The following FBXO9 variants were observed in gnomAD, a reference collection of about 807,000 sequenced individuals.
FBXO9 encodes the protein F-box only protein 9.
Under a neutral mutation model 63.7 loss-of-function variants are expected in FBXO9, and 43 were observed. That is an observed-to-expected ratio of 0.67 (90% CI 0.53 to 0.87). The LOEUF is 0.87. Among genes scored for constraint, FBXO9 ranks in the 40% least tolerant of loss-of-function variants. The pLI, the probability that FBXO9 is intolerant of heterozygous loss-of-function variation, is 0.00. For synonymous variants in FBXO9, 156 were observed against 171.7 expected (o/e 0.91, Z 0.72); for missense variants, 442 against 533.2 (o/e 0.83, Z 1.68).
At chr6:53,080,859 C>T in intron 5 of FBXO9, 109 bp from the exon 6 acceptor site, 1 of 1,186,440 alleles carries the variant, frequency 8.4e-7, no homozygotes, top group South Asian at 1.5e-5. Context: ...GTTGAATAAG[C>T]TTTAGGTGAC....
chr6:53,089,037 C>T (rs1167579038), intron 7 of FBXO9, among the ~76,000 whole-genome samples: 1 of 151,458 alleles, frequency 6.6e-6, no homozygotes, highest in Admixed American at 6.6e-5. Context: ...TCTCCTGCCT[C>T]AGCCTCTGTA....
chr6:53,080,197 C>CT (rs914495308), intron 5 of FBXO9, among the ~76,000 whole-genome samples: 6 of 149,374 alleles, frequency 4.0e-5, no homozygotes, highest in Non-Finnish European at 8.9e-5. Flanking sequence ...AAAAGTTTGC[C>CT]TTTTTTTTTC....
intron 12 of FBXO9, 86 bp from the exon 13 acceptor site, chr6:53,097,636 C>A: frequency 2.9e-6 from 2 of 687,416 alleles, no homozygotes; most frequent in South Asian, 1.9e-5. Flanking sequence ...AAGGCTAAAG[C>A]ATAGAATAAC....
chr6:53,092,119 C>T (rs918676457), intron 7 of FBXO9: 22 of 274,298 alleles, frequency 8.0e-5, no homozygotes, highest in African/African-American at 3.8e-4. Flanking sequence ...ATCCCCATCA[C>T]TATGATCACC....
chr6:53,076,943 T>C (rs1024846100), intron 4 of FBXO9, among the ~76,000 whole-genome samples: 2 of 152,140 alleles, frequency 1.3e-5, no homozygotes, highest in Non-Finnish European at 2.9e-5. Flanking sequence ...ATAACCTGTC[T>C]TTTTGCAAAA....
chr6:53,091,141 G>A (rs1403462014), intron 7 of FBXO9: 1 of 152,126 alleles, frequency 6.6e-6, no homozygotes, highest in Non-Finnish European at 1.5e-5. Context: ...CCCAGGGAGG[G>A]GTGAACTAGC....
chr6:53,082,392 A>G, intron 6 of FBXO9, 112 bp from the exon 7 acceptor site: 2 of 634,372 alleles, frequency 3.2e-6, no homozygotes, highest in South Asian at 2.1e-5. Flanking sequence ...GCTCTGAGCA[A>G]TACAGAGGGT....
intron 11 of FBXO9, chr6:53,094,745 G>A (rs1415031045): frequency 2.3e-6 from 1 of 441,934 alleles, no homozygotes; most frequent in South Asian, 1.6e-5. Flanking sequence ...CCTGTTGCTG[G>A]CGTCTCCACT....
chr6:53,092,639 A>G, intron 8 of FBXO9, 92 bp downstream of exon 8: 1 of 1,374,322 alleles, frequency 7.3e-7, no homozygotes, highest in Non-Finnish European at 1.0e-6. Context: ...GATGAATGTG[A>G]GTACTGTAAG....
In FBXO9 at chr6:53,100,808, C is replaced by T. The variant is rs2744456; in HGVS notation, c.*2978C>T. 152,320 of 152,330 alleles carry T rather than the reference C, an allele frequency of 1. 76,155 individuals carry two copies. The highest frequency in any genetic ancestry group is 1 in the Middle Eastern group (294 of 294). 9.4% of individuals were successfully genotyped at this position (152,330 alleles called of 1,614,324 possible). A position where few individuals can be genotyped will look rare whatever the true frequency, so the allele number is the denominator to read the frequency against. ...GAGTCCAACTTTATACTCCTCTTTA[C>T]GCATTTTGGTTTTCTAATTTAATGG... On this transcript the variant is annotated 3_prime_UTR_variant, in exon 13 of 13. Coordinates refer to ENST00000323557, the MANE Select transcript of FBXO9 (RefSeq NM_033480.3).
chr6:53,082,054 GCAAGAAC>G (rs1769332799), intron 6 of FBXO9, among the ~76,000 whole-genome samples: 1 of 151,912 alleles, frequency 6.6e-6, no homozygotes, highest in Non-Finnish European at 1.5e-5. Context: ...GGGCAACAGA[GCAAGAAC>G]CTGTCACAAA....
chr6:53,084,277 G>A (rs1454839071), intron 7 of FBXO9, among the ~76,000 whole-genome samples: 1 of 152,146 alleles, frequency 6.6e-6, no homozygotes, highest in Non-Finnish European at 1.5e-5. Context: ...CTTATTTTGT[G>A]TACATGGGTC....
chr6:53,084,576 GTC>G (rs899535637), intron 7 of FBXO9, among the ~76,000 whole-genome samples: 2 of 152,206 alleles, frequency 1.3e-5, no homozygotes, highest in Non-Finnish European at 1.5e-5. Context: ...ATGTTTGAAT[GTC>G]TCTGGTCATG....
intron 3 of FBXO9, among the ~76,000 whole-genome samples, chr6:53,074,437 A>G (rs1450690867): frequency 6.6e-6 from 1 of 152,224 alleles, no homozygotes; most frequent in Non-Finnish European, 1.5e-5. Context: ...CTATAGTACA[A>G]TATCAAAAAC....
intron 1 of FBXO9, among the ~76,000 whole-genome samples, chr6:53,069,054 G>A (rs1273424924): frequency 6.6e-6 from 1 of 152,182 alleles, no homozygotes; most frequent in East Asian, 1.9e-4. Context: ...TGGAGCAGAA[G>A]GATCTTTGGA....
chr6:53,078,634 A>G lies in FBXO9; in HGVS notation c.308-165A>G, dbSNP rs540716308. ...AGGGAAAAGTTTCTTTCTGAGCATT[A>G]AGGTTTGGAAATAGTTTTGTGTCAC... On this transcript the variant is annotated intron_variant, in intron 4 of 12. Coordinates refer to ENST00000323557, the MANE Select transcript of FBXO9 (RefSeq NM_033480.3). Among the ~76,000 whole-genome samples, 16 of 152,338 alleles carry G rather than the reference A, an allele frequency of 1.1e-4. No homozygotes were observed. The South Asian group carries it at 3.3e-3, about 32-fold the overall frequency.
chr6:53,089,974 G>A (rs1204460658), intron 7 of FBXO9, among the ~76,000 whole-genome samples: 1 of 152,196 alleles, frequency 6.6e-6, no homozygotes, highest in Non-Finnish European at 1.5e-5. Context: ...AGTTATTTGG[G>A]ATTAGAGCAT....
chr6:53,089,365 G>A (rs1410349874), intron 7 of FBXO9, among the ~76,000 whole-genome samples: 1 of 152,028 alleles, frequency 6.6e-6, no homozygotes, highest in East Asian at 1.9e-4. Flanking sequence ...GTGAGCCACC[G>A]TGCCCGGCCA....
At chr6:53,068,689 G>A (rs1294246736) in intron 1 of FBXO9, among the ~76,000 whole-genome samples, 2 of 128,798 alleles carry the variant, frequency 1.6e-5, no homozygotes, top group Non-Finnish European at 3.2e-5. Flanking sequence ...GTCTCTCTCT[G>A]TCTCCTGGGT....
Sources: allele counts gnomAD v4.1 joint callset (sites outside exome capture counted in the v4.1 genomes callset), GRCh38; gene constraint gnomAD v4.1.1; transcripts MANE v1.5; gene names NCBI Gene and HGNC (gene_info 2026-07-23, HGNC 2026-07-21).